GALNT17: variants seen among roughly 807,000 people sequenced by gnomAD.
GALNT17 encodes the protein polypeptide N-acetylgalactosaminyltransferase 17.
Under a neutral mutation model 63.7 loss-of-function variants are expected in GALNT17, and 29 were observed. The observed-to-expected ratio is 0.46, with a 90% CI of 0.34 to 0.62. GALNT17 has a LOEUF of 0.62. Ranked by LOEUF, GALNT17 falls within the 20% of genes least tolerant of loss-of-function variation. The pLI, the probability that GALNT17 is intolerant of heterozygous loss-of-function variation, is 0.01. For missense variants in GALNT17, 603 were observed against 799.6 expected, an observed-to-expected ratio of 0.75 and a Z score of 2.97; for synonymous variants, 305 against 318.3, an observed-to-expected ratio of 0.96 and a Z score of 0.45.
chr7:71,332,945 C>T (rs1432355342), intron 1 of GALNT17, among the ~76,000 whole-genome samples: 1 of 152,218 alleles, frequency 6.6e-6, no homozygotes, highest in African/African-American at 2.4e-5. Context: ...ACCTCAGCCT[C>T]CCAAATTGCT....
intron 1 of GALNT17, among the ~76,000 whole-genome samples, chr7:71,217,886 C>A (rs1789514544): frequency 6.6e-6 from 1 of 151,518 alleles, no homozygotes; most frequent in African/African-American, 2.4e-5. Flanking sequence ...CGAGATCGCA[C>A]CACTGCACTC....
At position 71,132,544 on chromosome 7, in the gene GALNT17, TGCGCCGTG is replaced by T; in HGVS notation, c.-257_-250del. ...TCGCGGAGACGCCTGGACGGGGCCG[TGCGCCGTG>T]GACTGAGCAGGCGTCTCGGGGAGCA... On this transcript the variant is annotated 5_prime_UTR_variant, in exon 1 of 11. Transcript: ENST00000333538. The T allele has an allele frequency of 6.5e-6, 3 of 460,458 alleles. No homozygotes were observed. The highest frequency in any genetic ancestry group is 1.2e-5 in the Non-Finnish European group (3 of 260,718). 28.5% of individuals were successfully genotyped at this position (460,458 alleles called of 1,614,324 possible).
At chr7:71,133,440 C>G (rs1304641788) in intron 1 of GALNT17, among the ~76,000 whole-genome samples, 3 of 152,196 alleles carry the variant, frequency 2.0e-5, no homozygotes, top group East Asian at 3.9e-4. Flanking sequence ...GGTGGGGTAC[C>G]AGTAGGGAAC....
intron 9 of GALNT17, among the ~76,000 whole-genome samples, chr7:71,699,288 G>A (rs1791592213): frequency 1.3e-5 from 2 of 151,322 alleles, no homozygotes; most frequent in Admixed American, 6.6e-5. Context: ...TACCATTCTG[G>A]CCAACATGGT....
At chr7:71,695,102 C>A (rs552671426) in intron 9 of GALNT17, among the ~76,000 whole-genome samples, 3 of 152,324 alleles carry the variant, frequency 2.0e-5, no homozygotes, top group East Asian at 3.9e-4. Flanking sequence ...TAGGAATATT[C>A]TCCTGATTCC....
intron 1 of GALNT17, among the ~76,000 whole-genome samples, chr7:71,247,000 C>T (rs182596297): frequency 1.3e-3 from 194 of 152,124 alleles, no homozygotes; most frequent in African/African-American, 4.6e-3. Context: ...GTCTTGAACT[C>T]CTGGGCTCAA....
intron 2 of GALNT17, among the ~76,000 whole-genome samples, chr7:71,377,973 G>A (rs971906919): frequency 5.3e-5 from 8 of 152,114 alleles, no homozygotes; most frequent in Non-Finnish European, 1.2e-4. Flanking sequence ...ACCCAGTCTC[G>A]GGAATAGCTG....
rs1187409278 is a variant in GALNT17, at chr7:71,520,756, G to T, written c.963-50529G>T. On this transcript the variant is annotated intron_variant, in intron 5 of 10. Coordinates refer to ENST00000333538, the MANE Select transcript of GALNT17 (RefSeq NM_022479.3). ...GGAAAGATTACTAGGCTTGAGGTGGGAGGGCAGATGGGTTTAGGAGGCGGG... is the reference window on the plus strand; with the variant it reads ...GGAAAGATTACTAGGCTTGAGGTGGTAGGGCAGATGGGTTTAGGAGGCGGG... Among the ~76,000 whole-genome samples, 5 of 152,242 alleles carry T rather than the reference G, an allele frequency of 3.3e-5. No individual in the cohort carries two copies. In the East Asian group the frequency reaches 5.8e-4, roughly 18 times the overall value.
chr7:71,699,171 CAAAAAAAAAAA>C (rs59124269), intron 9 of GALNT17, among the ~76,000 whole-genome samples: 46 of 77,316 alleles, frequency 5.9e-4, no homozygotes, highest in African/African-American at 1.1e-3. Context: ...GACTCCATCT[CAAAAAAAAAAA>C]AAAAAAAAAA....
chr7:71,474,997 G>A (rs919022842), intron 5 of GALNT17, among the ~76,000 whole-genome samples: 11 of 152,076 alleles, frequency 7.2e-5, no homozygotes, highest in African/African-American at 2.7e-4. Flanking sequence ...AATGCCGGCA[G>A]CCACCAGATG....
chr7:71,562,173 C>A (rs970630377), intron 5 of GALNT17, among the ~76,000 whole-genome samples: 1 of 151,980 alleles, frequency 6.6e-6, no homozygotes, highest in South Asian at 2.1e-4. Context: ...CTATGCTGCC[C>A]GGTCTGTTCT....
intron 1 of GALNT17, among the ~76,000 whole-genome samples, chr7:71,190,144 A>C (rs1788925159): frequency 6.6e-6 from 1 of 151,976 alleles, no homozygotes. Flanking sequence ...ATCCCTAGAG[A>C]CCCGGGGCTT....
intron 6 of GALNT17, among the ~76,000 whole-genome samples, chr7:71,613,779 C>A (rs1367942875): frequency 1.3e-5 from 2 of 150,980 alleles, no homozygotes; most frequent in African/African-American, 4.9e-5. Flanking sequence ...CATAGCGAGA[C>A]CCCATCTCTA....
chr7:71,549,685 T>C (rs1411261644), intron 5 of GALNT17, among the ~76,000 whole-genome samples: 1 of 152,118 alleles, frequency 6.6e-6, no homozygotes, highest in Admixed American at 6.5e-5. Context: ...TGAGTTGTGT[T>C]AGAAAAAGTT....
chr7:71,158,746 T>C (rs1011033467), intron 1 of GALNT17, among the ~76,000 whole-genome samples: 6 of 151,742 alleles, frequency 4.0e-5, no homozygotes, highest in Admixed American at 3.9e-4. Context: ...CTGGCTAATT[T>C]TTGTATTTTT....
In GALNT17 at chr7:71,652,261, G is replaced by A. The variant is rs574013201; in HGVS notation, c.1081-13150G>A. 8.6e-5 allele frequency among the ~76,000 whole-genome samples: 13 copies of A among 151,858 alleles called. No homozygotes were observed. In the East Asian group the frequency reaches 1.9e-3, roughly 23 times the overall value. ...CGTATTTAGAAGTTCTTACCACCGC[G>A]GTACTTAAATTGAGATATGTCTTGA... On this transcript the variant is annotated intron_variant, in intron 6 of 10. Transcript: ENST00000333538.
intron 5 of GALNT17, among the ~76,000 whole-genome samples, chr7:71,566,002 C>T (rs1278885576): frequency 6.6e-6 from 1 of 151,882 alleles, no homozygotes; most frequent in African/African-American, 2.4e-5. Context: ...TGCTACTAGG[C>T]CTGGCTAATT....
chr7:71,323,377 C>T (rs1365468070), intron 1 of GALNT17, among the ~76,000 whole-genome samples: 4 of 152,146 alleles, frequency 2.6e-5, no homozygotes, highest in Non-Finnish European at 4.4e-5. Context: ...CTGACCTCTC[C>T]TTTCTTCCAA....
intron 6 of GALNT17, among the ~76,000 whole-genome samples, chr7:71,650,478 G>A (rs1388145190): frequency 2.0e-5 from 3 of 152,142 alleles, no homozygotes; most frequent in Non-Finnish European, 4.4e-5. Flanking sequence ...CAAACTCCTA[G>A]CCTCCCAAAG....
Sources: gnomAD v4.1 joint callset for allele counts (sites outside exome capture counted in the v4.1 genomes callset) on GRCh38, gnomAD v4.1.1 for gene constraint, MANE v1.5 for transcripts, NCBI Gene and HGNC (gene_info 2026-07-23, HGNC 2026-07-21) for gene names.